The following GLT1D1 variants were observed in gnomAD, a reference collection of about 807,000 sequenced individuals.
GLT1D1 encodes glycosyltransferase 1 domain-containing protein 1.
Under a neutral mutation model 28.7 loss-of-function variants are expected in GLT1D1, and 21 were observed. The observed-to-expected ratio is 0.73, with a 90% CI of 0.52 to 1.05. GLT1D1 has a LOEUF of 1.05. Ranked by LOEUF, GLT1D1 falls within the 50% of genes least tolerant of loss-of-function variation. The pLI, the probability that GLT1D1 is intolerant of heterozygous loss-of-function variation, is 0.00. For synonymous variants in GLT1D1, 147 were observed against 124.8 expected (o/e 1.18, Z -1.19); for missense variants, 343 against 330.6 (o/e 1.04, Z -0.29).
chr12:128,903,021 C>CAA (rs34692166), intron 4 of GLT1D1, among the ~76,000 whole-genome samples: 22 of 115,012 alleles, frequency 1.9e-4, no homozygotes, highest in Admixed American at 2.8e-4. Flanking sequence ...GACTCCGTCT[C>CAA]AAAAAAAAAA....
At chr12:128,972,047 G>T (rs901897575) in intron 7 of GLT1D1, among the ~76,000 whole-genome samples, 1 of 151,696 alleles carries the variant, frequency 6.6e-6, no homozygotes, top group East Asian at 2.0e-4. Flanking sequence ...CTCCAGGGTC[G>T]CTGCCACATG....
At chr12:128,897,324 C>T (rs1316682056) in intron 3 of GLT1D1, among the ~76,000 whole-genome samples, 5 of 152,100 alleles carry the variant, frequency 3.3e-5, no homozygotes. Flanking sequence ...GCACATGTTT[C>T]TTCCAAATTG....
chr12:128,964,160 T>C (rs560078625), intron 7 of GLT1D1, among the ~76,000 whole-genome samples: 12 of 152,282 alleles, frequency 7.9e-5, no homozygotes, highest in Non-Finnish European at 1.2e-4. Flanking sequence ...GGAGGCCAGA[T>C]TGCTTGAGCC....
At chr12:128,928,881 C>G (rs1055235780) in intron 4 of GLT1D1, among the ~76,000 whole-genome samples, 1 of 152,154 alleles carries the variant, frequency 6.6e-6, no homozygotes, top group African/African-American at 2.4e-5. Flanking sequence ...CTCGACCTCA[C>G]AAAGTGCTGG....
At chr12:128,876,881 C>T (rs1956882097) in intron 2 of GLT1D1, among the ~76,000 whole-genome samples, 1 of 152,162 alleles carries the variant, frequency 6.6e-6, no homozygotes, top group Non-Finnish European at 1.5e-5. Flanking sequence ...ATCTCTTCTA[C>T]TGGACAGAAA....
At chr12:128,884,917 A>ATTT (rs35860101) in intron 2 of GLT1D1, among the ~76,000 whole-genome samples, 2 of 136,190 alleles carry the variant, frequency 1.5e-5, no homozygotes, top group African/African-American at 5.4e-5. Context: ...AATTAGCTTG[A>ATTT]TTTTTTTTTT....
At chr12:128,903,602 A>G (rs1375915511) in intron 4 of GLT1D1, among the ~76,000 whole-genome samples, 1 of 151,746 alleles carries the variant, frequency 6.6e-6, no homozygotes, top group Non-Finnish European at 1.5e-5. Context: ...CTTCTTGAGA[A>G]AGGGACATGA....
intron 1 of GLT1D1, among the ~76,000 whole-genome samples, chr12:128,858,836 G>A (rs1166426243): frequency 6.6e-6 from 1 of 151,742 alleles, no homozygotes; most frequent in East Asian, 1.9e-4. Flanking sequence ...TCAAAGGAAC[G>A]TTGGTCTCCA....
chr12:128,868,424 C>A (rs901506181), intron 1 of GLT1D1, among the ~76,000 whole-genome samples: 2 of 152,140 alleles, frequency 1.3e-5, no homozygotes, highest in Admixed American at 1.3e-4. Flanking sequence ...TAGGAAGGAG[C>A]GTGTGGGAAC....
chr12:128,883,880 C>T (rs1283620482), intron 2 of GLT1D1, among the ~76,000 whole-genome samples: 1 of 152,054 alleles, frequency 6.6e-6, no homozygotes, highest in African/African-American at 2.4e-5. Context: ...ATAAATAAAA[C>T]CCAAGACCTT....
At chr12:128,909,230 G>C (rs1871279424) in intron 4 of GLT1D1, among the ~76,000 whole-genome samples, 1 of 152,010 alleles carries the variant, frequency 6.6e-6, no homozygotes, top group African/African-American at 2.4e-5. Flanking sequence ...GAAAAGAAAA[G>C]AAAAGAAAAA....
At chr12:128,982,579 A>G (rs1254838811) in intron 7 of GLT1D1, among the ~76,000 whole-genome samples, 1 of 152,190 alleles carries the variant, frequency 6.6e-6, no homozygotes, top group African/African-American at 2.4e-5. Context: ...GACATTGTGG[A>G]TCTGAGAGTC....
intron 4 of GLT1D1, among the ~76,000 whole-genome samples, chr12:128,940,561 G>A (rs972982592): frequency 6.6e-6 from 1 of 152,086 alleles, no homozygotes; most frequent in African/African-American, 2.4e-5. Flanking sequence ...CATCCACTAC[G>A]AGTTTGCTTA....
At chr12:128,890,031 C>G (rs1369363385) in intron 3 of GLT1D1, among the ~76,000 whole-genome samples, 1 of 152,180 alleles carries the variant, frequency 6.6e-6, no homozygotes, top group Non-Finnish European at 1.5e-5. Flanking sequence ...GCCTCGGCCT[C>G]CCAAAGTGCT....
intron 4 of GLT1D1, 24 bp downstream of exon 4, chr12:128,899,311 A>G: frequency 1.3e-6 from 2 of 1,581,004 alleles, no homozygotes; most frequent in Non-Finnish European, 1.7e-6. Context: ...TGGTGTTGTT[A>G]TTTTGGTTGT....
rs1260465198 is a variant in GLT1D1 at position 128,881,863 on chromosome 12, G to C, written c.217+5801G>C. ...GAAATAGATGGTCTATATTTCCTCT[G>C]TCATTGAATGTTCTTTTGCAGCAAG... On this transcript the variant is annotated intron_variant, in intron 2 of 7. Transcript: ENST00000281703. Among the ~76,000 whole-genome samples, 6 of 151,490 alleles carry C rather than the reference G, an allele frequency of 4.0e-5. No homozygotes were observed. In the Admixed American group the frequency reaches 4.0e-4, roughly 10 times the overall value.
At chr12:128,951,326 C>G (rs1287702000) in intron 6 of GLT1D1, among the ~76,000 whole-genome samples, 1 of 152,152 alleles carries the variant, frequency 6.6e-6, no homozygotes, top group African/African-American at 2.4e-5. Flanking sequence ...TTGCTGGAAC[C>G]TGGTAGGCGA....
rs1269248183 is a variant in GLT1D1 at position 128,895,582 on chromosome 12, G to A, written c.324-3654G>A. On this transcript the variant is annotated intron_variant, in intron 3 of 7. Transcript: ENST00000281703. ...AGCTATTCTCCTGCCTCAGCCTTCT[G>A]AGTAGCTGGGATTACAGGCATGCAC... is the stretch of plus-strand genomic sequence containing the variant. 2.0e-5 allele frequency among the ~76,000 whole-genome samples: 3 copies of A among 151,660 alleles called. No individual in the cohort carries two copies. The East Asian group carries it at 5.8e-4, about 30-fold the overall frequency.
intron 3 of GLT1D1, among the ~76,000 whole-genome samples, chr12:128,898,817 C>T (rs1242673310): frequency 1.3e-5 from 2 of 152,206 alleles, no homozygotes; most frequent in Non-Finnish European, 2.9e-5. Flanking sequence ...ACAGTGAGCA[C>T]CCATGTGCAT....
Sources: allele counts gnomAD v4.1 joint callset (sites outside exome capture counted in the v4.1 genomes callset), GRCh38; gene constraint gnomAD v4.1.1; transcripts MANE v1.5; gene names NCBI Gene and HGNC (gene_info 2026-07-23, HGNC 2026-07-21).